FSTL4: variants seen among roughly 807,000 people sequenced by gnomAD.
FSTL4 encodes follistatin like 4, also known as follistatin-related protein 4.
A neutral mutation model predicts 78.2 loss-of-function variants in FSTL4; 28 were observed. The observed-to-expected ratio is 0.36, with a 90% CI of 0.27 to 0.49. The LOEUF (loss-of-function observed/expected upper bound fraction) is 0.49. Among genes scored for constraint, FSTL4 ranks in the 20% least tolerant of loss-of-function variants. The pLI is 0.98. For synonymous variants in FSTL4, 422 were observed against 440.5 expected (o/e 0.96, Z 0.53); for missense variants, 922 against 1,084.9 (o/e 0.85, Z 2.11).
At chr5:133,538,142 C>T (rs545486022) in intron 3 of FSTL4, among the ~76,000 whole-genome samples, 14 of 151,850 alleles carry the variant, frequency 9.2e-5, no homozygotes, top group African/African-American at 3.1e-4. Flanking sequence ...AGTCCAGGTT[C>T]GAACCCAGGA....
At chr5:133,662,906 C>T in the FSTL4 span, among the ~76,000 whole-genome samples, 2 of 152,100 alleles carry the variant, frequency 1.3e-5, no homozygotes, top group Non-Finnish European at 2.9e-5. Flanking sequence ...AATTTAACGC[C>T]ATCCAATAAT....
At chr5:133,513,995 G>A (rs570909073) in intron 3 of FSTL4, among the ~76,000 whole-genome samples, 4 of 152,102 alleles carry the variant, frequency 2.6e-5, no homozygotes, top group Admixed American at 2.6e-4. Context: ...TGGCTAACAC[G>A]GTGAAACCCC....
intron 4 of FSTL4, among the ~76,000 whole-genome samples, chr5:133,356,583 G>T (rs1288881408): frequency 6.6e-6 from 1 of 152,226 alleles, no homozygotes; most frequent in Non-Finnish European, 1.5e-5. Flanking sequence ...AGATGGGACT[G>T]GTTACCAGAG....
intron 1 of FSTL4, among the ~76,000 whole-genome samples, chr5:133,606,992 G>A (rs1760991549): frequency 6.6e-6 from 1 of 152,178 alleles, no homozygotes; most frequent in Non-Finnish European, 1.5e-5. Flanking sequence ...CCTGGAGCTT[G>A]GCCTGGAGTT....
At chr5:133,811,495 C>A in the FSTL4 span, among the ~76,000 whole-genome samples, 1 of 152,162 alleles carries the variant, frequency 6.6e-6, no homozygotes, top group Non-Finnish European at 1.5e-5. Context: ...CCGAGGCATC[C>A]CCAAGAAGCA....
At chr5:133,686,776 T>C in the FSTL4 span, among the ~76,000 whole-genome samples, 2 of 152,376 alleles carry the variant, frequency 1.3e-5, no homozygotes, top group Admixed American at 1.3e-4. Flanking sequence ...CTTTCATTGA[T>C]GTTTACTCTG....
At chr5:133,841,508 T>A in the FSTL4 span, among the ~76,000 whole-genome samples, 2,453 of 152,340 alleles carry the variant, frequency 0.016, 71 homozygotes, top group African/African-American at 0.055. Flanking sequence ...ATGCTCCATA[T>A]TGACCACCTA....
At chr5:133,484,471 G>A (rs1415868328) in intron 3 of FSTL4, among the ~76,000 whole-genome samples, 4 of 152,184 alleles carry the variant, frequency 2.6e-5, no homozygotes, top group African/African-American at 9.7e-5. Context: ...GCCCACATGA[G>A]AGAAAAGCTT....
intron 3 of FSTL4, among the ~76,000 whole-genome samples, chr5:133,465,430 AT>A (rs1415927673): frequency 6.6e-6 from 1 of 152,198 alleles, no homozygotes; most frequent in Admixed American, 6.5e-5. Flanking sequence ...TTCCCCCCAA[AT>A]AGAGAATAAG....
chr5:133,265,591 A>C (rs1313882964), intron 6 of FSTL4, among the ~76,000 whole-genome samples: 1 of 152,218 alleles, frequency 6.6e-6, no homozygotes, highest in Non-Finnish European at 1.5e-5. Context: ...GGTAGGGGTG[A>C]AACTAAACGT....
chr5:133,470,699 T>G (rs941851789), intron 3 of FSTL4, among the ~76,000 whole-genome samples: 1 of 149,968 alleles, frequency 6.7e-6, no homozygotes, highest in Non-Finnish European at 1.5e-5. Flanking sequence ...GAGCCAAGAT[T>G]GCACCACTGC....
intron 7 of FSTL4, among the ~76,000 whole-genome samples, chr5:133,240,070 G>C (rs974829940): frequency 6.6e-5 from 10 of 152,178 alleles, no homozygotes; most frequent in African/African-American, 2.2e-4. Context: ...TCACTCTTTA[G>C]GTTTACACTG....
chr5:133,685,544 A>T, the FSTL4 span, among the ~76,000 whole-genome samples: 1 of 152,242 alleles, frequency 6.6e-6, no homozygotes, highest in Non-Finnish European at 1.5e-5. Context: ...GAAGTGCTGC[A>T]TTCATGTGAG....
chr5:133,199,203 T>C lies in FSTL4; in HGVS notation c.2421A>G (p.Thr807=). Residue 807 remains threonine, a synonymous_variant, in exon 16 of 16, where the codon ACA becomes ACG. Coordinates refer to ENST00000265342, the MANE Select transcript of FSTL4 (RefSeq NM_015082.2). The surrounding 1 kb of genome is among the most constrained non-coding windows in gnomAD (Gnocchi z 4.4). ...TGAGGAACAGTGACTCTCGGGCTGG[T>C]GTGAGGAGGTACTGTCCAAACAGCC... The part of the protein sequence containing the change: ...DSGLFGQYLL[T]PARESLFLIN... The C allele has an allele frequency of 1.2e-6, 2 of 1,612,886 alleles. No homozygotes were observed. The highest frequency in any genetic ancestry group is 1.7e-6 in the Non-Finnish European group (2 of 1,179,118).
chr5:133,811,639 G>T, the FSTL4 span, among the ~76,000 whole-genome samples: 134 of 152,262 alleles, frequency 8.8e-4, 1 homozygote, highest in African/African-American at 3.1e-3. Context: ...TTCTGGTTTG[G>T]CTTCTGTACT....
the FSTL4 span, among the ~76,000 whole-genome samples, chr5:133,822,985 G>A: frequency 1.3e-5 from 2 of 152,174 alleles, no homozygotes; most frequent in Non-Finnish European, 2.9e-5. Context: ...GCTTTCATGT[G>A]GGGGCAGGAG....
chr5:133,432,426 A>C (rs1027708427), intron 3 of FSTL4, among the ~76,000 whole-genome samples: 6 of 152,216 alleles, frequency 3.9e-5, no homozygotes, highest in Admixed American at 6.5e-5. Flanking sequence ...ATAGACATGC[A>C]CTGCACGAGA....
intron 4 of FSTL4, among the ~76,000 whole-genome samples, chr5:133,359,563 G>A (rs1473502466): frequency 6.6e-6 from 1 of 152,228 alleles, no homozygotes; most frequent in Non-Finnish European, 1.5e-5. Context: ...GCACCGGGAG[G>A]AAAGTTCTGG....
Position 133,225,344 on chromosome 5 carries a change from T to C in FSTL4, c.1178-60A>G, listed in dbSNP as rs1751295518. The stretch of plus-strand genomic sequence containing the variant: ...AGCTGGAGACCCACTCACTTTCCTT[T>C]ATGGGGCCATTGAGAGTGTTAGGGC... On this transcript the variant is annotated intron_variant, in intron 9 of 15. Transcript: ENST00000265342. This position sits in a 1 kb window ranked among gnomAD's most constrained non-coding sequence, Gnocchi z 4.6. 1.2e-6 allele frequency: 2 copies of C among 1,605,528 alleles called. No homozygotes were observed. Among genetic ancestry groups the C allele is most frequent in the Non-Finnish European group, 1.7e-6 (2 of 1,173,138 alleles).
Sources: gnomAD v4.1 joint callset for allele counts (sites outside exome capture counted in the v4.1 genomes callset) on GRCh38, gnomAD v4.1.1 for gene constraint, Gnocchi (gnomAD v3.1) non-coding constraint, MANE v1.5 for transcripts, NCBI Gene and HGNC (gene_info 2026-07-23, HGNC 2026-07-21) for gene names.